Variants in ZXDC observed in about 807,000 individuals in gnomAD.
The protein encoded by ZXDC is zinc finger protein ZXDC.
A neutral mutation model predicts 63.6 loss-of-function variants in ZXDC; 58 were observed. The ratio of observed to expected loss-of-function variants is 0.91; its 90% CI spans 0.74 to 1.13. The LOEUF (loss-of-function observed/expected upper bound fraction) is 1.13, where lower values mean the gene tolerates loss of function less well. Ranked by LOEUF, ZXDC falls within the 50% of genes most tolerant of loss-of-function variation. The pLI is 0.00. For synonymous variants in ZXDC, 561 were observed against 496.1 expected (o/e 1.13, Z -1.74); for missense variants, 1,133 against 1,148.9 (o/e 0.99, Z 0.20).
At chr3:126,449,334 T>G (rs1346614730) in intron 7 of ZXDC, among the ~76,000 whole-genome samples, 1 of 152,236 alleles carries the variant, frequency 6.6e-6, no homozygotes, top group East Asian at 1.9e-4. Flanking sequence ...TACCTGGAAC[T>G]ACAGGTGTGT....
intron 1 of ZXDC, among the ~76,000 whole-genome samples, chr3:126,472,609 T>C (rs772434138): frequency 5.3e-5 from 8 of 152,176 alleles, no homozygotes; most frequent in Non-Finnish European, 1.0e-4. Context: ...GGAGCACTGA[T>C]CCTGCACACA....
At chr3:126,450,173 G>A in intron 7 of ZXDC, 3 of 372,546 alleles carry the variant, frequency 8.1e-6, no homozygotes. Flanking sequence ...TGTACAACAG[G>A]AAAGGCCCCT....
chr3:126,457,631 CACAGATTCAA>C (rs1430332392), intron 7 of ZXDC: 2 of 985,302 alleles, frequency 2.0e-6, no homozygotes, highest in Non-Finnish European at 2.4e-6. Context: ...AAGAAACTCA[CACAGATTCAA>C]ACATCATGAA....
Position 126,472,308 on chromosome 3 carries a change from G to A in ZXDC, c.908-3C>T. 1 of 1,602,348 alleles carries A rather than the reference G, an allele frequency of 6.2e-7. No individual in the cohort carries two copies. The highest frequency in any genetic ancestry group is 8.5e-7 in the Non-Finnish European group (1 of 1,170,464). On this transcript the variant is annotated splice_region_variant and splice_polypyrimidine_tract_variant and intron_variant, in intron 1 of 9. Transcript: ENST00000389709. ...TGTGATAAATGTCTTCTCACAGCCT[G>A]AACAAGGAAAACACAAACCCTGCTC... is the stretch of plus-strand genomic sequence containing the variant.
At position 126,453,996 on chromosome 3, in the gene ZXDC, C is replaced by T. The variant is rs1358149413; in HGVS notation, c.2212+5657G>A. ...GTATATATATATGTGTACATATAGG[C>T]ATATATATATATAAGCAGTACTATA... On this transcript the variant is annotated intron_variant, in intron 7 of 9. Transcript: ENST00000389709. The T allele has an allele frequency of 7.2e-6, 6 of 830,646 alleles. No homozygotes were observed. The East Asian group carries it at 6.2e-4, about 86-fold the overall frequency. 51.5% of individuals were successfully genotyped at this position (830,646 alleles called of 1,614,324 possible).
chr3:126,443,762 A>G (rs1366306028), intron 7 of ZXDC, among the ~76,000 whole-genome samples: 1 of 152,232 alleles, frequency 6.6e-6, no homozygotes, highest in African/African-American at 2.4e-5. Flanking sequence ...ATGTACATAA[A>G]CTTAACTTTT....
At chr3:126,465,126 G>A (rs1386058294) in intron 5 of ZXDC, among the ~76,000 whole-genome samples, 1 of 152,222 alleles carries the variant, frequency 6.6e-6, no homozygotes, top group African/African-American at 2.4e-5. Context: ...GGAGACGTGA[G>A]GACCCAGTTG....
intron 3 of ZXDC, 110 bp downstream of exon 3, chr3:126,471,863 C>CT (rs925479075): frequency 3.0e-6 from 3 of 984,444 alleles, no homozygotes. Context: ...CACTGAGCTC[C>CT]TTTTTTAACA....
At chr3:126,464,403 T>C (rs1934670849) in intron 5 of ZXDC, among the ~76,000 whole-genome samples, 1 of 152,178 alleles carries the variant, frequency 6.6e-6, no homozygotes, top group South Asian at 2.1e-4. Context: ...TTAGGGGGAC[T>C]GAAACAACCC....
At chr3:126,453,552 CACAAGAAT>C (rs1934192373) in intron 7 of ZXDC, 1 of 985,296 alleles carries the variant, frequency 1.0e-6, no homozygotes, top group Non-Finnish European at 1.2e-6. Flanking sequence ...ACATGTAATC[CACAAGAAT>C]CCCAAGTGCA....
intron 7 of ZXDC, chr3:126,457,778 T>C: frequency 2.0e-6 from 1 of 502,424 alleles, no homozygotes; most frequent in Non-Finnish European, 2.6e-6. Context: ...GTGGATCCAG[T>C]ATCTGGTCAC....
chr3:126,465,936 G>A (rs1934738885), intron 5 of ZXDC, among the ~76,000 whole-genome samples: 1 of 151,976 alleles, frequency 6.6e-6, no homozygotes, highest in African/African-American at 2.4e-5. Flanking sequence ...GTGACAGAGA[G>A]GGACCCTGTC....
At chr3:126,448,143 G>A (rs1933951482) in intron 7 of ZXDC, among the ~76,000 whole-genome samples, 1 of 152,248 alleles carries the variant, frequency 6.6e-6, no homozygotes, top group Admixed American at 6.5e-5. Flanking sequence ...TTAGAACTGT[G>A]CAGGGCACAC....
chr3:126,454,568 G>C lies in ZXDC; in HGVS notation c.2212+5085C>G, dbSNP rs144750106. ...CCTCTCCTAGACAACACACAGCGGA[G>C]AGTGTGCTTCCCATGTATTCAATCT... On this transcript the variant is annotated intron_variant, in intron 7 of 9. Transcript: ENST00000389709. 9 of 985,392 alleles carry C rather than the reference G, an allele frequency of 9.1e-6. No individual in the cohort carries two copies. In the East Asian group the frequency reaches 9.1e-4, roughly 99 times the overall value. The allele number at this position is 985,392 out of a possible 1,614,324, so 61.0% of individuals were successfully genotyped here.
chr3:126,467,133 G>A lies in ZXDC; in HGVS notation c.1271-808C>T, dbSNP rs1175865734. On this transcript the variant is annotated intron_variant, in intron 4 of 9. Transcript: ENST00000389709. ...CAGCAGAGGAAACCACACACCTCCCGAGAAGGCAGAAAAGCGGTCTCAGGA... is the reference window on the plus strand; with the variant it reads ...CAGCAGAGGAAACCACACACCTCCCAAGAAGGCAGAAAAGCGGTCTCAGGA... Among the ~76,000 whole-genome samples, 8 of 152,088 alleles carry A rather than the reference G, an allele frequency of 5.3e-5. No homozygotes were observed. In the East Asian group the frequency reaches 1.2e-3, roughly 22 times the overall value.
intron 7 of ZXDC, chr3:126,458,978 A>T: frequency 1.0e-6 from 1 of 980,774 alleles, no homozygotes; most frequent in Non-Finnish European, 1.2e-6. Flanking sequence ...CAAGATATAA[A>T]ATCATATCAA....
At chr3:126,440,395 T>G (rs1287704192) in intron 8 of ZXDC, 1 of 985,426 alleles carries the variant, frequency 1.0e-6, no homozygotes, top group Non-Finnish European at 1.2e-6. Context: ...ATTTCATAGA[T>G]GACAAAACTG....
rs372705772 is a variant in ZXDC, at chr3:126,475,203, C to G, written c.663G>C (p.Thr221=). The G allele has an allele frequency of 1.2e-5, 19 of 1,583,852 alleles. No individual in the cohort carries two copies. Among genetic ancestry groups the G allele is most frequent in the Non-Finnish European group, 1.6e-5 (19 of 1,164,740 alleles). Residue 221 remains threonine (T), a synonymous_variant, in exon 1 of 10, where the codon ACG becomes ACC. Coordinates refer to ENST00000389709, the MANE Select transcript of ZXDC (RefSeq NM_025112.5). ...PLEGCGWAFT[T]SYKLKRHLQS... ...GCAGGTGCCGCTTGAGCTTGTAGGA[C>G]GTTGTGAAGGCCCAACCACAGCCCT...
intron 7 of ZXDC, chr3:126,452,417 A>G: frequency 1.0e-6 from 1 of 985,354 alleles, no homozygotes; most frequent in Non-Finnish European, 1.2e-6. Context: ...AGACAGGTGC[A>G]GGAGCCGAGC....
Sources: gnomAD v4.1 joint callset for allele counts (sites outside exome capture counted in the v4.1 genomes callset) on GRCh38, gnomAD v4.1.1 for gene constraint, MANE v1.5 for transcripts, NCBI Gene and HGNC (gene_info 2026-07-23, HGNC 2026-07-21) for gene names.